The following RAD51B variants were observed in gnomAD, a reference collection of about 807,000 sequenced individuals.
RAD51B encodes DNA repair protein RAD51 homolog 2.
A neutral mutation model predicts 42.2 loss-of-function variants in RAD51B; 38 were observed. The ratio of observed to expected loss-of-function variants is 0.90; its 90% CI spans 0.70 to 1.18. The LOEUF is 1.18. RAD51B is among the 50% of genes most tolerant of loss of function. RAD51B has a pLI of 0.00. For missense variants in RAD51B, 373 were observed against 400.7 expected (o/e 0.93, Z 0.59); for synonymous variants, 154 against 145.2 (o/e 1.06, Z -0.43).
intron 10 of RAD51B, among the ~76,000 whole-genome samples, chr14:68,490,486 C>A (rs1324449219): frequency 6.6e-6 from 1 of 152,168 alleles, no homozygotes; most frequent in South Asian, 2.1e-4. Context: ...ATAAGTGATT[C>A]GTTTCTGGTA....
intron 7 of RAD51B, among the ~76,000 whole-genome samples, chr14:67,888,241 G>A (rs1381627317): frequency 1.3e-5 from 2 of 152,086 alleles, no homozygotes; most frequent in East Asian, 3.8e-4. Context: ...CTTGGGTGAT[G>A]TTCATCTTTT....
chr14:68,224,699 T>C (rs1394367890), intron 7 of RAD51B, among the ~76,000 whole-genome samples: 1 of 152,076 alleles, frequency 6.6e-6, no homozygotes, highest in Non-Finnish European at 1.5e-5. Flanking sequence ...AAAAAGCTAT[T>C]CTTTTTTTTT....
chr14:67,927,068 T>C (rs1452716274), intron 7 of RAD51B, among the ~76,000 whole-genome samples: 1 of 152,220 alleles, frequency 6.6e-6, no homozygotes, highest in Non-Finnish European at 1.5e-5. Flanking sequence ...ATTTAAGCAG[T>C]GCTCAAGATC....
chr14:68,648,674 AACACACAC>A (rs35200852), intron 10 of RAD51B, among the ~76,000 whole-genome samples: 5,787 of 143,666 alleles, frequency 0.04, 169 homozygotes, highest in Non-Finnish European at 0.059. Flanking sequence ...AAAGCACACA[AACACACAC>A]ACACACACAC....
chr14:68,377,569 A>ACT (rs1397779863), intron 8 of RAD51B, among the ~76,000 whole-genome samples: 1 of 152,224 alleles, frequency 6.6e-6, no homozygotes, highest in African/African-American at 2.4e-5. Context: ...CGTCTGCATC[A>ACT]GCCACACCCA....
At chr14:68,440,343 G>C (rs1213309640) in intron 9 of RAD51B, among the ~76,000 whole-genome samples, 2 of 152,156 alleles carry the variant, frequency 1.3e-5, no homozygotes, top group East Asian at 1.9e-4. Context: ...CTCTGTTGAG[G>C]GATGAAGATT....
intron 10 of RAD51B, among the ~76,000 whole-genome samples, chr14:68,570,847 G>T (rs1172014625): frequency 6.6e-6 from 1 of 151,466 alleles, no homozygotes; most frequent in Admixed American, 6.6e-5. Flanking sequence ...GGACATCCAG[G>T]GGTCTTGGGC....
chr14:68,648,110 C>CATGTATATAT, intron 10 of RAD51B, among the ~76,000 whole-genome samples: 1 of 13,744 alleles, frequency 7.3e-5, no homozygotes, highest in South Asian at 3.0e-3. Flanking sequence ...TATATACACA[C>CATGTATATAT]ACGTATATAT....
chr14:68,388,688 C>T (rs566477718), intron 8 of RAD51B, among the ~76,000 whole-genome samples: 86 of 152,252 alleles, frequency 5.6e-4, no homozygotes, highest in African/African-American at 1.8e-3. Context: ...TTACATCAGG[C>T]GGTGAGGATA....
intron 11 of RAD51B, among the ~76,000 whole-genome samples, chr14:68,670,756 A>G (rs1013119570): frequency 6.6e-6 from 1 of 152,246 alleles, no homozygotes; most frequent in African/African-American, 2.4e-5. Flanking sequence ...GTTTGCCAGC[A>G]AAGTGGTCGA....
intron 4 of RAD51B, among the ~76,000 whole-genome samples, chr14:67,856,365 T>G (rs1291184610): frequency 6.6e-6 from 1 of 152,142 alleles, no homozygotes; most frequent in Non-Finnish European, 1.5e-5. Flanking sequence ...ATTCTTTTTT[T>G]TTTTCCTTTT....
intron 4 of RAD51B, among the ~76,000 whole-genome samples, chr14:67,852,538 C>T (rs2041861511): frequency 6.6e-6 from 1 of 152,206 alleles, no homozygotes; most frequent in African/African-American, 2.4e-5. Context: ...AGCTGACTTT[C>T]TGCAGAGTAT....
intron 8 of RAD51B, among the ~76,000 whole-genome samples, chr14:68,330,803 A>G (rs982962141): frequency 3.9e-5 from 6 of 152,212 alleles, no homozygotes; most frequent in Admixed American, 2.0e-4. Context: ...TAGTTTCTTC[A>G]TTAACTAGAT....
At chr14:68,549,536 C>T (rs935807617) in intron 10 of RAD51B, among the ~76,000 whole-genome samples, 2 of 148,982 alleles carry the variant, frequency 1.3e-5, no homozygotes, top group African/African-American at 2.5e-5. Context: ...CTGCCTCAGC[C>T]TCCCGTGTAG....
chr14:68,102,283 G>T (rs1315924825), intron 7 of RAD51B, among the ~76,000 whole-genome samples: 1 of 152,142 alleles, frequency 6.6e-6, no homozygotes, highest in Non-Finnish European at 1.5e-5. Context: ...TTGACTCCTT[G>T]CTACTTAAGC....
intron 7 of RAD51B, among the ~76,000 whole-genome samples, chr14:68,181,298 C>T (rs993489643): frequency 6.6e-6 from 1 of 152,166 alleles, no homozygotes; most frequent in African/African-American, 2.4e-5. Context: ...GTAAATTACT[C>T]TGAGTTTTAT....
rs141588516 is a variant in RAD51B, at chr14:68,370,776, G to A, written c.854-40648G>A. 4.6e-5 allele frequency among the ~76,000 whole-genome samples: 7 copies of A among 152,206 alleles called. No homozygotes were observed. The East Asian group carries it at 1.3e-3, about 29-fold the overall frequency. On this transcript the variant is annotated intron_variant, in intron 8 of 10. Coordinates refer to ENST00000471583, the MANE Select transcript of RAD51B (RefSeq NM_133510.4). ...AAATGAAGAATTGGCCGGGCGCAGT[G>A]GCTCATGCCTGTAATCCCAGCACTT...
chr14:67,983,822 AAAATTGTTAGG>A, intron 7 of RAD51B, among the ~76,000 whole-genome samples: 2 of 133,056 alleles, frequency 1.5e-5, no homozygotes, highest in African/African-American at 7.6e-5. Context: ...GCCTGTGCTG[AAAATTGTTAGG>A]CATATCTCTT....
intron 4 of RAD51B, among the ~76,000 whole-genome samples, chr14:67,840,309 G>A (rs1364807497): frequency 6.6e-6 from 1 of 152,000 alleles, no homozygotes; most frequent in East Asian, 1.9e-4. Context: ...ATAATCTCCA[G>A]TGTTGATTGT....
Sources: gnomAD v4.1 joint callset for allele counts (sites outside exome capture counted in the v4.1 genomes callset) on GRCh38, gnomAD v4.1.1 for gene constraint, MANE v1.5 for transcripts, NCBI Gene and HGNC (gene_info 2026-07-23, HGNC 2026-07-21) for gene names.